VPS13C: variants seen among roughly 807,000 people sequenced by gnomAD.
VPS13C encodes the protein intermembrane lipid transfer protein VPS13C.
A neutral mutation model predicts 456.8 loss-of-function variants in VPS13C; 358 were observed. The observed-to-expected ratio is 0.78, with a 90% confidence interval of 0.72 to 0.86. The LOEUF (loss-of-function observed/expected upper bound fraction) is 0.86. Ranked by LOEUF, VPS13C falls within the 40% of genes least tolerant of loss-of-function variation. The pLI, the probability that VPS13C is intolerant of heterozygous loss-of-function variation, is 0.00. For missense variants in VPS13C, 4,818 were observed against 4,385.4 expected (o/e 1.10, Z -2.79); for synonymous variants, 1,578 against 1,486.7 (o/e 1.06, Z -1.41).
At chr15:62,049,262 T>A (rs2048536898) in intron 1 of VPS13C, among the ~76,000 whole-genome samples, 2 of 152,216 alleles carry the variant, frequency 1.3e-5, no homozygotes, top group Non-Finnish European at 2.9e-5. Flanking sequence ...CTTTAGTCCA[T>A]CTTGAATTAA....
chr15:62,010,136 C>A (rs1310870985), intron 13 of VPS13C, among the ~76,000 whole-genome samples: 3 of 151,660 alleles, frequency 2.0e-5, no homozygotes, highest in Non-Finnish European at 4.4e-5. Flanking sequence ...CTTGCAGTGA[C>A]CTGAGATCGC....
chr15:61,865,170 G>C (rs1894453969), intron 81 of VPS13C: 1 of 984,536 alleles, frequency 1.0e-6, no homozygotes. Context: ...GCAACTCGAG[G>C]AATTTAACAA....
chr15:61,869,991 C>A (rs567482914), intron 79 of VPS13C, among the ~76,000 whole-genome samples: 1 of 152,024 alleles, frequency 6.6e-6, no homozygotes, highest in African/African-American at 2.4e-5. Flanking sequence ...TAAACATTCT[C>A]TTTTTTAATG....
intron 28 of VPS13C, among the ~76,000 whole-genome samples, chr15:61,967,900 G>A (rs2045429964): frequency 6.6e-6 from 1 of 152,046 alleles, no homozygotes; most frequent in East Asian, 1.9e-4. Flanking sequence ...CCAAGGAACT[G>A]CCTCCAAAAG....
In VPS13C at chr15:61,916,018, G is replaced by A. The variant is rs373274938; in HGVS notation, c.8060C>T (p.Thr2687Ile). ...TTCTGCCAGCTCATGAGTTTCTGCT[G>A]TTCCCTAAAAACAAACAAAAATTCG... The part of the protein sequence containing the change: ...PYSLRYLLEG[T>I]AETHELAEGS... Residue 2687 changes from threonine to isoleucine, a missense_variant, in exon 61 of 85, where the codon ACA (threonine) becomes ATA (isoleucine). Transcript: ENST00000644861. The A allele has an allele frequency of 3.0e-5, 47 of 1,555,052 alleles. No homozygotes were observed.
intron 18 of VPS13C, 117 bp from the exon 19 acceptor site, chr15:61,985,116 G>T: frequency 1.3e-6 from 1 of 785,600 alleles, no homozygotes. Context: ...CAGCATGGCA[G>T]GTTCTGGCAT....
rs1481473888 is a variant in VPS13C at position 61,962,851 on chromosome 15, T to G, written c.3333A>C (p.Gly1111=). The part of the protein sequence containing the change: ...KNNIAEIKIQ[G]LDSSLSLQSR... ...ACTGGAGAGAAAGGGAGGAATCCAG[T>G]CCTGAAAAAAAGAGTGTATTATTAT... The change falls in exon 33 of 85, where the codon GGA becomes GGC. Residue 1111 remains glycine (G), a splice_region_variant and synonymous_variant. Transcript: ENST00000644861. 1 of 1,587,664 alleles carries G rather than the reference T, an allele frequency of 6.3e-7. No individual in the cohort carries two copies.
In VPS13C at chr15:61,920,609, T is replaced by C. The variant is rs748304511; in HGVS notation, c.7101A>G (p.Pro2367=). The change falls in exon 56 of 85, where the codon CCA becomes CCG. Residue 2367 remains proline, a synonymous_variant. Transcript: ENST00000644861. The stretch of plus-strand genomic sequence containing the variant: ...GTGGCTCAGGAATAAAATCATCTCC[T>C]GGCAGCAAACTTTTATCCTGAACTG... ...KNPVQDKSLL[P]GDDFIPEPQM... 2 of 1,590,848 alleles carry C rather than the reference T, an allele frequency of 1.3e-6. No homozygotes were observed. The highest frequency in any genetic ancestry group is 2.3e-5 in the East Asian group (1 of 44,324).
At position 61,981,416 on chromosome 15, in the gene VPS13C, A is replaced by G. The variant is rs150972139; in HGVS notation, c.2092T>C (p.Tyr698His). ...AAACCCGTCTGTGGAACTACTAGATAAGAAGGCTTCAGATTTATCCTTAAA... is the reference window on the plus strand; with the variant it reads ...AAACCCGTCTGTGGAACTACTAGATGAGAAGGCTTCAGATTTATCCTTAAA... ...LDLRINLKPS[Y>H]LVVPQTGFHH... Residue 698 changes from tyrosine (Y) to histidine (H), a missense_variant, in exon 22 of 85, where the codon TAT becomes CAT. Physicochemically the swap from Tyr to His is moderately conservative, Grantham distance 83. Around this residue, in one of 3 missense-constraint regions of VPS13C, gnomAD observed 4,552 missense variants for 4,130.6 expected, o/e 1.10. Transcript: ENST00000644861. 29 of 1,612,976 alleles carry G rather than the reference A, an allele frequency of 1.8e-5. No individual in the cohort carries two copies. The African/African-American group carries it at 3.7e-4, about 21-fold the overall frequency.
chr15:61,881,798 G>A lies in VPS13C; in HGVS notation c.9655C>T (p.Pro3219Ser). Residue 3219 changes from proline to serine, a missense_variant, in exon 70 of 85, where the codon CCT becomes TCT. Pro to Ser is a moderately conservative substitution (Grantham distance 74). Around this residue, in one of 3 missense-constraint regions of VPS13C, gnomAD observed 4,552 missense variants for 4,130.6 expected, o/e 1.10. Transcript: ENST00000644861. Reference protein sequence around the residue: ...VDNQLPGAMFPVVFHPVAPPK... With the variant: ...VDNQLPGAMFSVVFHPVAPPK... ...GGGGCAACAGGATGAAATACAACAG[G>A]GAACATTGCACCTGGTAACTGATTA... The A allele has an allele frequency of 6.2e-7, 1 of 1,601,868 alleles. No homozygotes were observed. The highest frequency in any genetic ancestry group is 8.5e-7 in the Non-Finnish European group (1 of 1,176,780).
chr15:61,979,063 G>C (rs2045795726), intron 22 of VPS13C, among the ~76,000 whole-genome samples: 1 of 152,050 alleles, frequency 6.6e-6, no homozygotes, highest in East Asian at 1.9e-4. Flanking sequence ...GCCACTTAGA[G>C]TCCAGCTCCC....
chr15:61,952,869 C>A (rs2044849427), intron 38 of VPS13C, among the ~76,000 whole-genome samples: 1 of 151,606 alleles, frequency 6.6e-6, no homozygotes, highest in South Asian at 2.1e-4. Context: ...CATGCCACCA[C>A]AACTGACTAA....
At chr15:61,894,830 C>T (rs28814609) in intron 66 of VPS13C, among the ~76,000 whole-genome samples, 7,944 of 152,144 alleles carry the variant, frequency 0.052, 360 homozygotes, top group African/African-American at 0.12. Context: ...GAGAGATCAT[C>T]CAGACAGAAA....
chr15:62,023,928 T>C lies in VPS13C; in HGVS notation c.449-83A>G, dbSNP rs1359632957. The stretch of plus-strand genomic sequence containing the variant: ...GGACAGAAAAGAAAACAAGAGAATT[T>C]TTCCTAACAGCAAATTTTGGCACAA... On this transcript the variant is annotated intron_variant, in intron 6 of 84. Transcript: ENST00000644861. 9 of 1,309,338 alleles carry C rather than the reference T, an allele frequency of 6.9e-6. No homozygotes were observed. The Admixed American group carries it at 1.9e-4, about 28-fold the overall frequency. The allele number at this position is 1,309,338 out of a possible 1,614,324, so 81.1% of individuals were successfully genotyped here.
chr15:61,996,891 A>G (rs1038788274), intron 16 of VPS13C, among the ~76,000 whole-genome samples: 4 of 150,168 alleles, frequency 2.7e-5, no homozygotes, highest in African/African-American at 9.9e-5. Context: ...ACACACACAC[A>G]CACACATATA....
intron 9 of VPS13C, among the ~76,000 whole-genome samples, chr15:62,019,832 C>T (rs1247084849): frequency 1.3e-5 from 2 of 151,756 alleles, no homozygotes; most frequent in African/African-American, 4.8e-5. Flanking sequence ...AATTCAATTC[C>T]TGTACTGTCC....
intron 1 of VPS13C, among the ~76,000 whole-genome samples, chr15:62,046,693 T>C (rs1390654247): frequency 6.6e-6 from 1 of 152,216 alleles, no homozygotes; most frequent in Non-Finnish European, 1.5e-5. Flanking sequence ...TTTATAACAA[T>C]TGTTAAGGCA....
intron 3 of VPS13C, 109 bp downstream of exon 3, chr15:62,041,215 A>G (rs1250568501): frequency 6.8e-6 from 8 of 1,184,790 alleles, no homozygotes; most frequent in Non-Finnish European, 9.6e-6. Flanking sequence ...AATGAGGCAA[A>G]AAAAAATCTC....
chr15:61,976,240 G>C (rs894308206), intron 24 of VPS13C, among the ~76,000 whole-genome samples: 1 of 151,908 alleles, frequency 6.6e-6, no homozygotes, highest in African/African-American at 2.4e-5. Context: ...ACATCCACCT[G>C]ATAAAGGGTA....
Sources: allele counts gnomAD v4.1 joint callset (sites outside exome capture counted in the v4.1 genomes callset), GRCh38; gene constraint gnomAD v4.1.1; regional missense constraint gnomAD v4.1.1; transcripts MANE v1.5; gene names NCBI Gene and HGNC (gene_info 2026-07-23, HGNC 2026-07-21).